The following CNBD1 variants were observed in gnomAD, a reference collection of about 807,000 sequenced individuals.
CNBD1 encodes cyclic nucleotide-binding domain-containing protein 1.
Under a neutral mutation model 54.4 loss-of-function variants are expected in CNBD1, and 71 were observed. The ratio of observed to expected loss-of-function variants is 1.30; its 90% CI spans 1.08 to 1.59. The LOEUF (loss-of-function observed/expected upper bound fraction) is 1.59, where lower values mean the gene tolerates loss of function less well. CNBD1 is among the 40% of genes most tolerant of loss of function. The probability of loss-of-function intolerance (pLI) is 0.00; values close to 1 mark genes in which losing one functional copy is unlikely to be tolerated. For missense variants in CNBD1, 659 were observed against 518.0 expected (o/e 1.27, Z -2.64); for synonymous variants, 182 against 170.7 (o/e 1.07, Z -0.51).
At chr8:87,369,485 C>A (rs966174120) in intron 10 of CNBD1, among the ~76,000 whole-genome samples, 7 of 152,092 alleles carry the variant, frequency 4.6e-5, no homozygotes, top group Non-Finnish European at 1.0e-4. Flanking sequence ...TCTCATACAG[C>A]AAATCTGCAG....
chr8:86,969,264 T>G (rs1808164894), intron 4 of CNBD1, among the ~76,000 whole-genome samples: 1 of 152,194 alleles, frequency 6.6e-6, no homozygotes. Context: ...AAAGCTCATT[T>G]AAAAACAACT....
intron 6 of CNBD1, among the ~76,000 whole-genome samples, chr8:87,239,095 G>A (rs1205645586): frequency 6.6e-6 from 1 of 152,100 alleles, no homozygotes; most frequent in East Asian, 1.9e-4. Flanking sequence ...CTAGCTGGCT[G>A]GCAGGCAGTT....
intron 2 of CNBD1, among the ~76,000 whole-genome samples, chr8:87,408,866 A>G (rs1464772993): frequency 6.6e-6 from 1 of 152,056 alleles, no homozygotes; most frequent in Admixed American, 6.6e-5. Context: ...GCATCCATAT[A>G]AGACTGCAAA....
intron 2 of CNBD1, among the ~76,000 whole-genome samples, chr8:86,899,599 A>T (rs944724805): frequency 6.6e-6 from 1 of 152,080 alleles, no homozygotes; most frequent in Non-Finnish European, 1.5e-5. Context: ...TAAAGATTTT[A>T]TATATAACTT....
chr8:86,972,047 G>C (rs1035046856), intron 4 of CNBD1, among the ~76,000 whole-genome samples: 3 of 151,954 alleles, frequency 2.0e-5, no homozygotes, highest in African/African-American at 7.2e-5. Context: ...CTGCCTCCTG[G>C]GTTCAAGCAG....
At chr8:87,257,854 T>C (rs990179688) in intron 6 of CNBD1, among the ~76,000 whole-genome samples, 1 of 152,186 alleles carries the variant, frequency 6.6e-6, no homozygotes, top group Non-Finnish European at 1.5e-5. Flanking sequence ...TAATTAATTT[T>C]TGTTCTACTT....
intron 8 of CNBD1, among the ~76,000 whole-genome samples, chr8:87,290,079 T>C (rs1808759619): frequency 6.6e-6 from 1 of 152,140 alleles, no homozygotes. Flanking sequence ...TTTAGCAGAA[T>C]CTACTTCAGA....
chr8:87,203,531 T>A (rs1813907150), intron 4 of CNBD1, among the ~76,000 whole-genome samples: 1 of 152,244 alleles, frequency 6.6e-6, no homozygotes, highest in Admixed American at 6.5e-5. Context: ...GCATTCTAGC[T>A]GTGTAACTAG....
At position 87,223,179 on chromosome 8, in the gene CNBD1, C is replaced by T. The variant is rs553011853; in HGVS notation, c.578-13740C>T. Among the ~76,000 whole-genome samples the T allele has an allele frequency of 2.8e-3, 428 of 150,186 alleles. 4 individuals carry two copies. The highest frequency in any genetic ancestry group is 9.1e-3 in the African/African-American group (374 of 41,052). On this transcript the variant is annotated intron_variant, in intron 5 of 10. Transcript: ENST00000518476. ...TTGCCATACGTATTTAATCTATCCT[C>T]CCTTTACCTCCCCACCTTTTTGCTT... is the stretch of plus-strand genomic sequence containing the variant.
rs934816156 is a variant in CNBD1 at position 87,326,425 on chromosome 8, T to C, written c.1043-25260T>C. On this transcript the variant is annotated intron_variant, in intron 8 of 10. Coordinates refer to ENST00000518476, the MANE Select transcript of CNBD1 (RefSeq NM_173538.3). ...TTCCAACTTGGTTCCATTCTCCCCA[T>C]CACTTTCAGGTACACCAATCAGACA... 4.5e-3 allele frequency among the ~76,000 whole-genome samples: 576 copies of C among 127,086 alleles called. 53 individuals carry two copies. Among genetic ancestry groups the C allele is most frequent in the African/African-American group, 0.016 (542 of 34,952 alleles). 83.4% of individuals were successfully genotyped at this position (127,086 alleles called of 152,430 possible). A position where few individuals can be genotyped will look rare whatever the true frequency, so the allele number is the denominator to read the frequency against.
chr8:87,082,728 C>T (rs933512814), intron 4 of CNBD1, among the ~76,000 whole-genome samples: 2 of 152,018 alleles, frequency 1.3e-5, no homozygotes, highest in Admixed American at 1.3e-4. Context: ...AGACCATATA[C>T]ATTTAATGTA....
intron 4 of CNBD1, among the ~76,000 whole-genome samples, chr8:87,195,545 T>A (rs1054702479): frequency 6.7e-6 from 1 of 148,898 alleles, no homozygotes; most frequent in Admixed American, 6.7e-5. Flanking sequence ...GACTTTTTGA[T>A]CCTCAGTTTA....
rs150949091 is a variant in CNBD1, at chr8:87,032,488, A to G, written c.431+92734A>G. On this transcript the variant is annotated intron_variant, in intron 4 of 10. Coordinates refer to ENST00000518476, the MANE Select transcript of CNBD1 (RefSeq NM_173538.3). Reference sequence around the variant, plus strand: ...CTATTAAGTGGAAGTGAATCATCATAAAAGTCTTCATTCTTACTGTTTTCC... The same window carrying G: ...CTATTAAGTGGAAGTGAATCATCATGAAAGTCTTCATTCTTACTGTTTTCC... 4.8e-3 allele frequency among the ~76,000 whole-genome samples: 735 copies of G among 152,316 alleles called. 6 individuals carry two copies. The highest frequency in any genetic ancestry group is 0.017 in the African/African-American group (694 of 41,572).
At chr8:86,903,565 G>T (rs940492659) in intron 2 of CNBD1, among the ~76,000 whole-genome samples, 14 of 152,018 alleles carry the variant, frequency 9.2e-5, no homozygotes, top group African/African-American at 3.4e-4. Flanking sequence ...TTAAATGGGG[G>T]ACAGAATATC....
At chr8:86,910,593 A>G (rs1314432542) in intron 3 of CNBD1, among the ~76,000 whole-genome samples, 1 of 152,210 alleles carries the variant, frequency 6.6e-6, no homozygotes, top group African/African-American at 2.4e-5. Flanking sequence ...AAATTGCTAC[A>G]TTGTTTACTT....
chr8:87,087,295 T>A (rs923378709), intron 4 of CNBD1, among the ~76,000 whole-genome samples: 2 of 145,200 alleles, frequency 1.4e-5, no homozygotes, highest in African/African-American at 5.1e-5. Context: ...ATATATATTT[T>A]TTATTGCCCA....
intron 5 of CNBD1, among the ~76,000 whole-genome samples, chr8:87,232,783 T>C (rs1383346458): frequency 6.6e-6 from 1 of 152,090 alleles, no homozygotes; most frequent in Non-Finnish European, 1.5e-5. Flanking sequence ...TTCAGGGAAA[T>C]GTGTTGGATG....
At chr8:86,958,449 T>C (rs965903782) in intron 4 of CNBD1, among the ~76,000 whole-genome samples, 8 of 152,190 alleles carry the variant, frequency 5.3e-5, no homozygotes, top group African/African-American at 1.9e-4. Flanking sequence ...CCCATTATTA[T>C]TGTGTGGGAG....
intron 4 of CNBD1, among the ~76,000 whole-genome samples, chr8:86,987,783 T>G (rs1397763531): frequency 6.6e-6 from 1 of 152,216 alleles, no homozygotes; most frequent in Non-Finnish European, 1.5e-5. Flanking sequence ...TCTGTTTATG[T>G]TGTGAATCAC....
Sources: allele counts gnomAD v4.1 joint callset (sites outside exome capture counted in the v4.1 genomes callset), GRCh38; gene constraint gnomAD v4.1.1; transcripts MANE v1.5; gene names NCBI Gene and HGNC (gene_info 2026-07-23, HGNC 2026-07-21).